Variants in CCDC30 observed in about 807,000 individuals in gnomAD.
The protein encoded by CCDC30 is coiled-coil domain containing 30.
Under a neutral mutation model 100.2 loss-of-function variants are expected in CCDC30, and 70 were observed. That is an observed-to-expected ratio of 0.70 (90% confidence interval 0.58 to 0.85). The LOEUF (loss-of-function observed/expected upper bound fraction) is 0.85. Ranked by LOEUF, CCDC30 falls within the 40% of genes least tolerant of loss-of-function variation. The probability of loss-of-function intolerance (pLI) is 0.00; values close to 1 mark genes in which losing one functional copy is unlikely to be tolerated. For missense variants in CCDC30, 652 were observed against 771.2 expected (o/e 0.85, Z 1.83); for synonymous variants, 233 against 269.5 (o/e 0.86, Z 1.33).
chr1:42,572,336 A>G (rs554385938), intron 7 of CCDC30, among the ~76,000 whole-genome samples: 3 of 152,142 alleles, frequency 2.0e-5, no homozygotes, highest in South Asian at 2.1e-4. Context: ...CTTGTTCAAG[A>G]TTTTGTTCAT....
chr1:42,540,843 A>G (rs1644998425), intron 6 of CCDC30, among the ~76,000 whole-genome samples: 1 of 152,212 alleles, frequency 6.6e-6, no homozygotes, highest in Non-Finnish European at 1.5e-5. Context: ...CAATACCATT[A>G]TCTAATCTAT....
chr1:42,536,897 C>T (rs1228264290), intron 6 of CCDC30: 2 of 377,004 alleles, frequency 5.3e-6, no homozygotes, highest in East Asian at 1.2e-4. Flanking sequence ...TCTGGTGTCT[C>T]TTCCTCTTCC....
At chr1:42,624,585 T>C (rs1451310033) in intron 11 of CCDC30, among the ~76,000 whole-genome samples, 2 of 152,138 alleles carry the variant, frequency 1.3e-5, no homozygotes, top group Non-Finnish European at 2.9e-5. Context: ...GCCCAAGCAA[T>C]CCTCCCACCT....
At chr1:42,561,391 G>A (rs59705104) in intron 6 of CCDC30, among the ~76,000 whole-genome samples, 20,640 of 152,160 alleles carry the variant, frequency 0.14, 1,532 homozygotes, top group East Asian at 0.17. Flanking sequence ...AAAGGCCTTT[G>A]ATAAAATTCA....
intron 6 of CCDC30, among the ~76,000 whole-genome samples, chr1:42,538,301 G>C (rs976360665): frequency 4.0e-5 from 6 of 151,434 alleles, no homozygotes; most frequent in African/African-American, 1.5e-4. Flanking sequence ...CTGCACTCCA[G>C]TGTGGGTGAC....
intron 14 of CCDC30, 47 bp from the exon 19 acceptor site, chr1:42,646,088 T>A (rs1192927307): frequency 6.5e-7 from 1 of 1,528,874 alleles, no homozygotes; most frequent in South Asian, 1.4e-5. Context: ...TTCTAACATC[T>A]TGATACCTAT....
chr1:42,465,345 T>G (rs1643538495), intron 1 of CCDC30, among the ~76,000 whole-genome samples: 1 of 151,990 alleles, frequency 6.6e-6, no homozygotes, highest in African/African-American at 2.4e-5. Flanking sequence ...TAGGACAGTT[T>G]TTTTTGTTTT....
intron 1 of CCDC30, among the ~76,000 whole-genome samples, chr1:42,477,866 G>T (rs1288712615): frequency 1.3e-5 from 2 of 152,224 alleles, no homozygotes; most frequent in Admixed American, 6.5e-5. Flanking sequence ...GCATTGAGTT[G>T]TGTTTTGAAA....
rs989896429 is a variant in CCDC30 at position 42,498,854 on chromosome 1, G to T, written c.394G>T (p.Glu132Ter). 1.6e-6 allele frequency: 2 copies of T among 1,233,922 alleles called. No individual in the cohort carries two copies. Among genetic ancestry groups the T allele is most frequent in the African/African-American group, 3.1e-5 (2 of 64,484 alleles). 76.4% of individuals were successfully genotyped at this position (1,233,922 alleles called of 1,614,324 possible). A position where few individuals can be genotyped will look rare whatever the true frequency, so the allele number is the denominator to read the frequency against. Residue 132 changes from glutamate (E) to a stop codon, truncating the protein, a stop_gained, in exon 6 of 17, where the codon GAG becomes TAG. Coordinates refer to ENST00000668663, the Ensembl canonical transcript of CCDC30. LOFTEE classifies it high-confidence loss of function. ...TAAAGGAGAGGTGTGTGAATCTCAA[G>T]AGAATAAGCAACTTGGAAACCACTC...
At chr1:42,618,152 C>T (rs1035846175) in intron 11 of CCDC30, among the ~76,000 whole-genome samples, 27 of 151,830 alleles carry the variant, frequency 1.8e-4, no homozygotes, top group Non-Finnish European at 1.2e-4. Flanking sequence ...GCTGGGAAAC[C>T]CAGAGGATGA....
chr1:42,640,419 G>A (rs983632788), intron 12 of CCDC30, among the ~76,000 whole-genome samples: 1 of 152,142 alleles, frequency 6.6e-6, no homozygotes, highest in Non-Finnish European at 1.5e-5. Flanking sequence ...GAGCTGTCTA[G>A]GGTTTATCTG....
At chr1:42,504,277 G>A (rs543873207) in intron 6 of CCDC30, among the ~76,000 whole-genome samples, 41 of 152,352 alleles carry the variant, frequency 2.7e-4, no homozygotes, top group Non-Finnish European at 3.7e-4. Context: ...ACCTTCCAGC[G>A]TGGGCATTAT....
At chr1:42,501,427 T>C (rs1349752775) in intron 6 of CCDC30, among the ~76,000 whole-genome samples, 6 of 152,256 alleles carry the variant, frequency 3.9e-5, no homozygotes, top group Non-Finnish European at 8.8e-5. Context: ...CTTGAAATTA[T>C]AAGGTGTAAC....
At chr1:42,641,190 C>T (rs1309050320) in intron 12 of CCDC30, among the ~76,000 whole-genome samples, 1 of 150,700 alleles carries the variant, frequency 6.6e-6, no homozygotes, top group Non-Finnish European at 1.5e-5. Flanking sequence ...TAGCTCATTG[C>T]AGCCTTGAAC....
the CCDC30 span, chr1:42,456,462 T>C: frequency 8.0e-7 from 1 of 1,246,302 alleles, no homozygotes; most frequent in Non-Finnish European, 1.1e-6. Context: ...AGAAGGGTAG[T>C]GAACCGCCCA....
intron 6 of CCDC30, among the ~76,000 whole-genome samples, chr1:42,550,595 G>A (rs1645231530): frequency 6.6e-6 from 1 of 152,188 alleles, no homozygotes; most frequent in South Asian, 2.1e-4. Context: ...AGCTTTTCAT[G>A]TGGCTAACTC....
intron 4 of CCDC30, 66 bp from the exon 5 acceptor site, chr1:42,497,032 A>G (rs752333420): frequency 2.9e-5 from 23 of 786,758 alleles, no homozygotes; most frequent in Non-Finnish European, 3.6e-5. Flanking sequence ...CTTCGTTTTT[A>G]GAGTTAGTGC....
At chr1:42,510,329 G>A (rs890459653) in intron 6 of CCDC30, among the ~76,000 whole-genome samples, 4 of 152,162 alleles carry the variant, frequency 2.6e-5, no homozygotes, top group Admixed American at 6.5e-5. Flanking sequence ...CTTAGGAATA[G>A]CATAATATCC....
intron 10 of CCDC30, chr1:42,591,820 C>A (rs897037970): frequency 1.3e-5 from 2 of 152,418 alleles, no homozygotes; most frequent in African/African-American, 4.8e-5. Context: ...GCCACAGGGG[C>A]TGCTGCCTGC....
Sources: gnomAD v4.1 joint callset for allele counts (sites outside exome capture counted in the v4.1 genomes callset) on GRCh38, gnomAD v4.1.1 for gene constraint, MANE v1.5 for transcripts, NCBI Gene and HGNC (gene_info 2026-07-23, HGNC 2026-07-21) for gene names.